The following RBM6 variants were observed in gnomAD, a reference collection of about 807,000 sequenced individuals.
The protein encoded by RBM6 is RNA binding motif protein 6, also known as RNA-binding protein 6.
In RBM6, 23 loss-of-function variants were observed where a neutral mutation model predicts 140.4. The observed-to-expected ratio is 0.16, with a 90% CI of 0.12 to 0.23. The LOEUF is 0.23. Ranked by LOEUF, RBM6 falls within the 10% of genes least tolerant of loss-of-function variation. The probability of loss-of-function intolerance (pLI) is 1.00; values close to 1 mark genes in which losing one functional copy is unlikely to be tolerated. For missense variants in RBM6, 1,139 were observed against 1,386.7 expected (o/e 0.82, Z 2.84); for synonymous variants, 439 against 475.6 (o/e 0.92, Z 1.00).
At chr3:49,971,268 A>G (rs2084778964) in intron 3 of RBM6, among the ~76,000 whole-genome samples, 1 of 128,656 alleles carries the variant, frequency 7.8e-6, no homozygotes. Flanking sequence ...ACTCCATCTG[A>G]AAAAAAAAAA....
At chr3:50,030,286 TAAAAAAAAAAAAA>T (rs57797585) in intron 6 of RBM6, among the ~76,000 whole-genome samples, 1 of 103,872 alleles carries the variant, frequency 9.6e-6, no homozygotes, top group Non-Finnish European at 1.9e-5. Flanking sequence ...CTTTTTGTCT[TAAAAAAAAAAAAA>T]AAAAAAAAAA....
chr3:50,018,755 A>T (rs970274204), intron 6 of RBM6, among the ~76,000 whole-genome samples: 2 of 151,184 alleles, frequency 1.3e-5, no homozygotes, highest in African/African-American at 4.9e-5. Context: ...ATGCCCAGCT[A>T]ATTTTTTGTA....
chr3:49,954,715 ATTC>A (rs1241589562), intron 1 of RBM6, among the ~76,000 whole-genome samples: 1 of 150,466 alleles, frequency 6.6e-6, no homozygotes, highest in Non-Finnish European at 1.5e-5. Flanking sequence ...TGTTGTATAT[ATTC>A]TTTTCTGTTT....
intron 8 of RBM6, among the ~76,000 whole-genome samples, chr3:50,057,119 ATT>A (rs2089732990): frequency 6.6e-6 from 1 of 152,158 alleles, no homozygotes; most frequent in African/African-American, 2.4e-5. Flanking sequence ...GTCATGAAGG[ATT>A]TGTTATATTT....
intron 1 of RBM6, among the ~76,000 whole-genome samples, chr3:49,956,328 C>CGGT: frequency 1.4e-5 from 1 of 72,054 alleles, no homozygotes; most frequent in African/African-American, 5.9e-5. Context: ...CCCTCCCCCG[C>CGGT]TTTTTTTTTT....
At chr3:50,000,349 T>C (rs1337267981) in intron 6 of RBM6, among the ~76,000 whole-genome samples, 4 of 148,746 alleles carry the variant, frequency 2.7e-5, no homozygotes, top group East Asian at 1.9e-4. Flanking sequence ...TTTTTTTCTT[T>C]TTTTTTTTTT....
intron 6 of RBM6, among the ~76,000 whole-genome samples, chr3:50,008,562 T>A (rs1400756319): frequency 6.9e-6 from 1 of 144,956 alleles, no homozygotes; most frequent in Non-Finnish European, 1.5e-5. Flanking sequence ...TTTTTTTTTT[T>A]TTTTTTTTTT....
At chr3:50,060,773 A>G (rs1011627945) in intron 11 of RBM6, 183 bp from the exon 12 acceptor site, 4 of 409,740 alleles carry the variant, frequency 9.8e-6, no homozygotes, top group Non-Finnish European at 1.7e-5. Flanking sequence ...AAAAAAAAAA[A>G]AAAGAGTCTT....
chr3:50,051,354 T>G (rs935011326), intron 7 of RBM6, among the ~76,000 whole-genome samples: 1 of 151,858 alleles, frequency 6.6e-6, no homozygotes, highest in Non-Finnish European at 1.5e-5. Context: ...TCTCAAAATT[T>G]TTTTTAGCTG....
intron 5 of RBM6, among the ~76,000 whole-genome samples, chr3:49,979,935 G>A (rs1310322752): frequency 6.6e-6 from 1 of 152,080 alleles, no homozygotes; most frequent in Non-Finnish European, 1.5e-5. Context: ...TGATTGTGGT[G>A]ATGATGTATC....
At chr3:50,046,737 A>G (rs983500905) in intron 6 of RBM6, among the ~76,000 whole-genome samples, 1 of 152,116 alleles carries the variant, frequency 6.6e-6, no homozygotes, top group Non-Finnish European at 1.5e-5. Flanking sequence ...TGTCCCTAAT[A>G]CTGAGCAGAA....
chr3:49,974,922 G>T (rs1328066818), intron 4 of RBM6, among the ~76,000 whole-genome samples: 1 of 150,374 alleles, frequency 6.7e-6, no homozygotes, highest in Non-Finnish European at 1.5e-5. Context: ...CCTGACCTCA[G>T]GTTATCCACC....
At chr3:49,999,340 G>T in intron 5 of RBM6, 100 bp from the exon 6 acceptor site, 2 of 966,020 alleles carry the variant, frequency 2.1e-6, no homozygotes, top group Non-Finnish European at 1.7e-6. Flanking sequence ...AGTTGGGAGG[G>T]CTTGTGTTTA....
At chr3:50,065,163 G>A in intron 16 of RBM6, 37 bp downstream of exon 16, 1 of 1,517,986 alleles carries the variant, frequency 6.6e-7, no homozygotes, top group Non-Finnish European at 9.0e-7. Flanking sequence ...CTAGGGCTGG[G>A]GCTGGGGATG....
At position 50,019,300 on chromosome 3, in the gene RBM6, A is replaced by G. The variant is rs540695065; in HGVS notation, c.1557+19787A>G. On this transcript the variant is annotated intron_variant, in intron 6 of 20. Transcript: ENST00000266022. ...CTTGGCCTCCTGAATTGCTGGGATT[A>G]CAGGCATGAGCCACCATGCCTGGCC... 7.2e-5 allele frequency among the ~76,000 whole-genome samples: 11 copies of G among 152,278 alleles called. No homozygotes were observed. In the South Asian group the frequency reaches 1.5e-3, roughly 20 times the overall value.
intron 6 of RBM6, among the ~76,000 whole-genome samples, chr3:50,037,248 T>C (rs1021563525): frequency 6.6e-6 from 1 of 152,002 alleles, no homozygotes; most frequent in African/African-American, 2.4e-5. Flanking sequence ...TAAAATAAAA[T>C]AAATTAGCCA....
At chr3:50,032,714 C>T (rs1420930117) in intron 6 of RBM6, among the ~76,000 whole-genome samples, 1 of 152,030 alleles carries the variant, frequency 6.6e-6, no homozygotes, top group Non-Finnish European at 1.5e-5. Context: ...GGGCCGGGCA[C>T]GGTGGCTCAC....
At chr3:50,063,219 T>C (rs1408827458) in intron 15 of RBM6, among the ~76,000 whole-genome samples, 2 of 152,170 alleles carry the variant, frequency 1.3e-5, no homozygotes, top group Non-Finnish European at 2.9e-5. Context: ...TGTCATAATA[T>C]ATAACATTTA....
intron 15 of RBM6, among the ~76,000 whole-genome samples, chr3:50,064,018 C>T (rs956972632): frequency 2.0e-5 from 3 of 151,982 alleles, no homozygotes; most frequent in African/African-American, 7.2e-5. Context: ...ACTGCAACCT[C>T]CGCCTTCCAG....
Sources: gnomAD v4.1 joint callset for allele counts (sites outside exome capture counted in the v4.1 genomes callset) on GRCh38, gnomAD v4.1.1 for gene constraint, MANE v1.5 for transcripts, NCBI Gene and HGNC (gene_info 2026-07-23, HGNC 2026-07-21) for gene names.